Variants in CCDC146 observed in about 807,000 individuals in gnomAD.
The protein encoded by CCDC146 is coiled-coil domain containing 146.
CCDC146 carries 92 observed loss-of-function variants against 119.3 expected under a neutral mutation model. The observed-to-expected ratio is 0.77, with a 90% confidence interval of 0.65 to 0.92. The LOEUF (loss-of-function observed/expected upper bound fraction) is 0.92, where lower values mean the gene tolerates loss of function less well. Ranked by LOEUF, CCDC146 falls within the 40% of genes least tolerant of loss-of-function variation. CCDC146 has a pLI of 0.00. For missense variants in CCDC146, 1,000 were observed against 1,103.0 expected (o/e 0.91, Z 1.32); for synonymous variants, 372 against 371.8 (o/e 1.00, Z -0.01).
At chr7:77,177,214 C>T (rs1419602868) in intron 2 of CCDC146, among the ~76,000 whole-genome samples, 4 of 152,074 alleles carry the variant, frequency 2.6e-5, no homozygotes, top group Non-Finnish European at 4.4e-5. Context: ...GTAGGTTGGA[C>T]CTTCTATAGA....
At chr7:77,292,921 A>C in intron 17 of CCDC146, 31 bp from the exon 18 acceptor site, 2 of 1,607,526 alleles carry the variant, frequency 1.2e-6, no homozygotes, top group Non-Finnish European at 1.7e-6. Flanking sequence ...GACTGTATAC[A>C]TAGACTAAGC....
In CCDC146 at chr7:77,196,576, A is replaced by G. The variant is rs1264665894; in HGVS notation, c.156+28752A>G. 3 of 1,614,150 alleles carry G rather than the reference A, an allele frequency of 1.9e-6. No individual in the cohort carries two copies. Among genetic ancestry groups the G allele is most frequent in the East Asian group, 4.5e-5 (2 of 44,880 alleles). On this transcript the variant is annotated intron_variant, in intron 2 of 18. Transcript: ENST00000285871. The surrounding 1 kb of genome is among the most constrained non-coding windows in gnomAD (Gnocchi z 4.2). ...TGTAATGTTTGTTGAAACGTAATGC[A>G]TCTCCAGCTGTGCCATTATAGTTAC...
Position 77,241,833 on chromosome 7 carries a change from C to A in CCDC146, c.382C>A (p.Leu128Ile). The A allele has an allele frequency of 1.2e-6, 2 of 1,614,034 alleles. No homozygotes were observed. Among genetic ancestry groups the A allele is most frequent in the Non-Finnish European group, 1.7e-6 (2 of 1,179,978 alleles). Residue 128 changes from leucine to isoleucine, a missense_variant, in exon 4 of 19, where the codon CTC becomes ATC. Physicochemically the swap from Leu to Ile is conservative, Grantham distance 5. Coordinates refer to ENST00000285871, the MANE Select transcript of CCDC146 (RefSeq NM_020879.3). ...TEVSKMREQLLKYQNEYNAVK... is the reference protein window; with the variant it reads ...TEVSKMREQLIKYQNEYNAVK... ...GGTCTCCAAAATGAGAGAACAACTT[C>A]TCAAGTATCAAAATGAATATAATGC...
chr7:77,251,915 G>A (rs1167374595), intron 4 of CCDC146, among the ~76,000 whole-genome samples: 5 of 152,202 alleles, frequency 3.3e-5, no homozygotes, highest in African/African-American at 4.8e-5. Context: ...TTGGGAGGCC[G>A]AGGCAGGCAG....
intron 1 of CCDC146, among the ~76,000 whole-genome samples, chr7:77,127,752 A>G (rs2117386118): frequency 6.6e-6 from 1 of 152,096 alleles, no homozygotes; most frequent in East Asian, 1.9e-4. Context: ...TGCTCTTTCT[A>G]TTCTTTACTT....
intron 4 of CCDC146, among the ~76,000 whole-genome samples, chr7:77,250,973 TTGTGTGTG>T (rs58026945): frequency 0.042 from 4,825 of 114,648 alleles, 175 homozygotes; most frequent in African/African-American, 0.11. Context: ...TCTCTGGTAT[TTGTGTGTG>T]TGTGTGTGTG....
chr7:77,280,631 G>T lies in CCDC146; in HGVS notation c.1897G>T (p.Ala633Ser). Reference protein sequence around the residue: ...MVQLRKRYEKAVQHRNESGVQ... With the variant: ...MVQLRKRYEKSVQHRNESGVQ... ...GCAGCTTCGCAAAAGATACGAAAAA[G>T]CTGTTCAGCATCGAAATGAAAGGTA... The change falls in exon 14 of 19, where the codon GCT (alanine) becomes TCT (serine). Residue 633 changes from alanine (A) to serine (S), a missense_variant. Ala to Ser is a moderately conservative substitution (Grantham distance 99). Coordinates refer to ENST00000285871, the MANE Select transcript of CCDC146 (RefSeq NM_020879.3). The T allele has an allele frequency of 1.2e-6, 2 of 1,612,986 alleles. No individual in the cohort carries two copies. The highest frequency in any genetic ancestry group is 8.5e-7 in the Non-Finnish European group (1 of 1,179,456).
At chr7:77,282,362 A>C (rs1793779887) in intron 14 of CCDC146, 195 bp from the exon 15 acceptor site, 5 of 520,832 alleles carry the variant, frequency 9.6e-6, no homozygotes, top group Non-Finnish European at 1.7e-5. Flanking sequence ...TGAGAGGCTC[A>C]GTAACCCTCC....
At chr7:77,124,108 A>C (rs1324659893) in intron 1 of CCDC146, among the ~76,000 whole-genome samples, 1 of 152,252 alleles carries the variant, frequency 6.6e-6, no homozygotes, top group African/African-American at 2.4e-5. Context: ...CTTAATAGTT[A>C]ATTCTGTGTC....
intron 17 of CCDC146, among the ~76,000 whole-genome samples, chr7:77,291,716 C>T (rs115130893): frequency 0.01 from 1,556 of 152,144 alleles, 26 homozygotes; most frequent in African/African-American, 0.036. Context: ...TCAAAACAAA[C>T]GAACAAAACA....
intron 1 of CCDC146, among the ~76,000 whole-genome samples, chr7:77,143,616 G>T (rs547317599): frequency 5.3e-5 from 8 of 152,020 alleles, no homozygotes; most frequent in African/African-American, 1.7e-4. Flanking sequence ...AAGGGATCCA[G>T]TTTCAGGTTT....
intron 2 of CCDC146, chr7:77,195,925 G>A (rs3093280): frequency 0.021 from 3,981 of 188,146 alleles, 153 homozygotes; most frequent in East Asian, 0.13. Flanking sequence ...CCAAAGTGCT[G>A]GGATTACAGG....
At chr7:77,289,316 C>T (rs146284653) in intron 17 of CCDC146, among the ~76,000 whole-genome samples, 4 of 152,316 alleles carry the variant, frequency 2.6e-5, no homozygotes, top group East Asian at 3.9e-4. Flanking sequence ...ACATAGCGGC[C>T]GCTTCCCATA....
intron 4 of CCDC146, chr7:77,242,332 A>T: frequency 4.1e-6 from 4 of 985,426 alleles, no homozygotes; most frequent in Non-Finnish European, 3.6e-6. Context: ...GTCACATGTC[A>T]TCTGGCTCAC....
intron 2 of CCDC146, among the ~76,000 whole-genome samples, chr7:77,168,773 A>G (rs1263818137): frequency 1.3e-5 from 2 of 152,100 alleles, no homozygotes; most frequent in Non-Finnish European, 2.9e-5. Context: ...CAGATTTCTC[A>G]GACGCTAACA....
intron 4 of CCDC146, among the ~76,000 whole-genome samples, chr7:77,246,895 C>T (rs1266104901): frequency 6.6e-6 from 1 of 152,106 alleles, no homozygotes; most frequent in Non-Finnish European, 1.5e-5. Flanking sequence ...ATTTAAAGCA[C>T]CTGGCACACA....
At chr7:77,226,493 T>C (rs1247852016) in intron 2 of CCDC146, among the ~76,000 whole-genome samples, 2 of 152,266 alleles carry the variant, frequency 1.3e-5, no homozygotes, top group African/African-American at 2.4e-5. Context: ...TTCCTTGAAA[T>C]GTCCTAGAAT....
At chr7:77,149,838 C>T (rs3095452) in intron 1 of CCDC146, among the ~76,000 whole-genome samples, 28,808 of 150,328 alleles carry the variant, frequency 0.19, 3,058 homozygotes, top group Non-Finnish European at 0.21. Context: ...ATAATAAATA[C>T]TATATTTTAC....
chr7:77,292,301 A>ATTTTTT (rs35258178), intron 17 of CCDC146, among the ~76,000 whole-genome samples: 9,562 of 132,368 alleles, frequency 0.072, 441 homozygotes, highest in Non-Finnish European at 0.11. Context: ...CTTTATTTTA[A>ATTTTTT]TTTTTTTTTT....
Sources: allele counts gnomAD v4.1 joint callset (sites outside exome capture counted in the v4.1 genomes callset), GRCh38; gene constraint gnomAD v4.1.1; non-coding constraint Gnocchi (gnomAD v3.1); transcripts MANE v1.5; gene names NCBI Gene and HGNC (gene_info 2026-07-23, HGNC 2026-07-21).